The following CAMTA1 variants were observed in gnomAD, a reference collection of about 807,000 sequenced individuals.
CAMTA1 encodes calmodulin-binding transcription activator 1.
In CAMTA1, 27 loss-of-function variants were observed where a neutral mutation model predicts 170.9. That is an observed-to-expected ratio of 0.16 (90% CI 0.12 to 0.22). CAMTA1 has a LOEUF of 0.22. Ranked by LOEUF, CAMTA1 falls within the 10% of genes least tolerant of loss-of-function variation. The pLI is 1.00. For missense variants in CAMTA1, 1,619 were observed against 2,217.2 expected (o/e 0.73, Z 5.42); for synonymous variants, 833 against 891.5 (o/e 0.93, Z 1.17).
At chr1:7,042,987 C>T (rs1456846340) in intron 3 of CAMTA1, among the ~76,000 whole-genome samples, 1 of 152,178 alleles carries the variant, frequency 6.6e-6, no homozygotes, top group Non-Finnish European at 1.5e-5. Context: ...TGAAATCAAC[C>T]AAACCACCCC....
At chr1:7,174,677 G>A (rs1250875535) in intron 4 of CAMTA1, among the ~76,000 whole-genome samples, 4 of 152,258 alleles carry the variant, frequency 2.6e-5, no homozygotes, top group African/African-American at 9.6e-5. Flanking sequence ...GTTCTGCAGA[G>A]CTCAGCTTCC....
intron 5 of CAMTA1, among the ~76,000 whole-genome samples, chr1:7,360,861 G>A (rs559565365): frequency 2.0e-5 from 3 of 152,340 alleles, no homozygotes; most frequent in Non-Finnish European, 2.9e-5. Flanking sequence ...TGGCAGTCGG[G>A]ACACACAGCA....
intron 3 of CAMTA1, among the ~76,000 whole-genome samples, chr1:6,847,920 T>C (rs912445797): frequency 2.0e-5 from 3 of 148,998 alleles, no homozygotes; most frequent in African/African-American, 7.5e-5. Flanking sequence ...AGCATGTTGG[T>C]CAGGCTGGTC....
intron 11 of CAMTA1, among the ~76,000 whole-genome samples, chr1:7,696,239 C>G (rs2096374572): frequency 6.6e-6 from 1 of 152,188 alleles, no homozygotes; most frequent in Admixed American, 6.5e-5. Context: ...CACTGTCACC[C>G]AGGCCAGAGT....
chr1:7,765,696 A>T (rs2097016157), intron 22 of CAMTA1, among the ~76,000 whole-genome samples: 1 of 152,362 alleles, frequency 6.6e-6, no homozygotes, highest in South Asian at 2.1e-4. Context: ...TCTTGAGTCT[A>T]TGAACAAAGC....
At chr1:6,862,190 C>G (rs998665446) in intron 3 of CAMTA1, among the ~76,000 whole-genome samples, 6 of 152,194 alleles carry the variant, frequency 3.9e-5, no homozygotes, top group African/African-American at 1.4e-4. Flanking sequence ...CCAGGCTGGT[C>G]TCAAACTCCT....
At chr1:7,407,149 C>T (rs959780411) in intron 5 of CAMTA1, among the ~76,000 whole-genome samples, 6 of 152,222 alleles carry the variant, frequency 3.9e-5, no homozygotes, top group African/African-American at 9.6e-5. Flanking sequence ...GTGCCATCGC[C>T]GCTCGGCCCC....
chr1:7,744,959 C>A lies in CAMTA1; in HGVS notation c.4307C>A (p.Thr1436Lys), dbSNP rs758706493. The change falls in exon 17 of 23, where the codon ACA becomes AAA. Residue 1436 changes from threonine (T) to lysine (K), a missense_variant. Thr to Lys is a moderately conservative substitution (Grantham distance 78). Around this residue, in one of 8 missense-constraint regions of CAMTA1, gnomAD observed 370 missense variants for 429.4 expected, o/e 0.86. Transcript: ENST00000303635. ...ERTDPATISS[T>K]MSWLASYLAD... Reference sequence around the variant, plus strand: ...ACAGACCCTGCCACCATTAGCAGTACAATGAGCTGGCTGGCCAGTTATCTA... The same window carrying A: ...ACAGACCCTGCCACCATTAGCAGTAAAATGAGCTGGCTGGCCAGTTATCTA... 1.4e-5 allele frequency: 22 copies of A among 1,614,054 alleles called. No individual in the cohort carries two copies. The African/African-American group carries it at 2.9e-4, about 22-fold the overall frequency.
At chr1:7,752,793 G>C (rs759252987) in intron 21 of CAMTA1, among the ~76,000 whole-genome samples, 3 of 152,188 alleles carry the variant, frequency 2.0e-5, no homozygotes, top group Non-Finnish European at 2.9e-5. Flanking sequence ...TTGGGTGTGA[G>C]GTCAACTTAG....
chr1:7,543,964 G>C (rs1368968707), intron 6 of CAMTA1, among the ~76,000 whole-genome samples: 3 of 152,072 alleles, frequency 2.0e-5, no homozygotes, highest in Admixed American at 6.5e-5. Context: ...TTAATGCCTT[G>C]CTGCCGTATT....
intron 6 of CAMTA1, among the ~76,000 whole-genome samples, chr1:7,575,453 A>G (rs551993954): frequency 6.6e-6 from 1 of 152,214 alleles, no homozygotes; most frequent in African/African-American, 2.4e-5. Context: ...GGCAGAATCC[A>G]GTTTACAGAA....
At chr1:7,615,587 G>T (rs1056109233) in intron 6 of CAMTA1, among the ~76,000 whole-genome samples, 6 of 152,264 alleles carry the variant, frequency 3.9e-5, no homozygotes, top group African/African-American at 1.4e-4. Context: ...AGCAGATGAA[G>T]ACTGTTGCCA....
At chr1:6,899,651 T>C (rs181737358) in intron 3 of CAMTA1, among the ~76,000 whole-genome samples, 2 of 151,834 alleles carry the variant, frequency 1.3e-5, no homozygotes, top group East Asian at 3.9e-4. Context: ...AAAATAACAC[T>C]AGCATGATAA....
rs1223108635 is a variant in CAMTA1, at chr1:7,634,949, G to T, written c.511-5451G>T. Among the ~76,000 whole-genome samples the T allele has an allele frequency of 6.6e-6, 1 of 152,150 alleles. No homozygotes were observed. The highest frequency in any genetic ancestry group is 6.5e-5 in the Admixed American group (1 of 15,286). On this transcript the variant is annotated intron_variant, in intron 6 of 22. Transcript: ENST00000303635. The surrounding 1 kb of genome is among the most constrained non-coding windows in gnomAD (Gnocchi z 6.2). ...GGGTGAGGAGCCTGAGGCACCAAGA[G>T]GGAGGAGGGATCCCCTCGTCCACGG...
chr1:7,633,478 G>A lies in CAMTA1; in HGVS notation c.511-6922G>A, dbSNP rs1398438327. Among the ~76,000 whole-genome samples the A allele has an allele frequency of 6.6e-6, 1 of 152,178 alleles. No individual in the cohort carries two copies. Among genetic ancestry groups the A allele is most frequent in the East Asian group, 1.9e-4 (1 of 5,184 alleles). On this transcript the variant is annotated intron_variant, in intron 6 of 22. Coordinates refer to ENST00000303635, the MANE Select transcript of CAMTA1 (RefSeq NM_015215.4). This position sits in a 1 kb window ranked among gnomAD's most constrained non-coding sequence, Gnocchi z 4.1. ...TCCTCTTCCAGCCCATGCCTGGGAT[G>A]GACACCGACTCCTTCCCCGCACCCT... is the stretch of plus-strand genomic sequence containing the variant.
At chr1:7,028,761 G>A (rs1702361625) in intron 3 of CAMTA1, among the ~76,000 whole-genome samples, 2 of 152,190 alleles carry the variant, frequency 1.3e-5, no homozygotes, top group South Asian at 4.1e-4. Flanking sequence ...CACGTGCTCA[G>A]TAAGTGTTTG....
rs1023462112 is a variant in CAMTA1, at chr1:7,219,209, C to T, written c.303-30282C>T. ...TTCAGCCAAATACTGGCGTGTTTTC[C>T]GTTTCTGTGTTTACGGTTGGACTCA... is the stretch of plus-strand genomic sequence containing the variant. On this transcript the variant is annotated intron_variant, in intron 4 of 22. Transcript: ENST00000303635. 3.3e-5 allele frequency among the ~76,000 whole-genome samples: 5 copies of T among 151,974 alleles called. No individual in the cohort carries two copies. The East Asian group carries it at 9.6e-4, about 29-fold the overall frequency.
At chr1:7,477,171 G>A (rs545664967) in intron 6 of CAMTA1, among the ~76,000 whole-genome samples, 4 of 152,290 alleles carry the variant, frequency 2.6e-5, no homozygotes, top group African/African-American at 4.8e-5. Context: ...CAGAAGCTGC[G>A]GGCCAGGGAT....
chr1:6,899,537 AACGCGC>A (rs1406924119), intron 3 of CAMTA1, among the ~76,000 whole-genome samples: 12 of 128,530 alleles, frequency 9.3e-5, no homozygotes, highest in East Asian at 4.4e-4. Flanking sequence ...ATATGTGTAT[AACGCGC>A]ACGCGCGCGC....
Sources: allele counts gnomAD v4.1 joint callset (sites outside exome capture counted in the v4.1 genomes callset), GRCh38; gene constraint gnomAD v4.1.1; regional missense constraint gnomAD v4.1.1; non-coding constraint Gnocchi (gnomAD v3.1); transcripts MANE v1.5; gene names NCBI Gene and HGNC (gene_info 2026-07-23, HGNC 2026-07-21).